AKAP17A: variants seen among roughly 807,000 people sequenced by gnomAD.
AKAP17A encodes A-kinase anchor protein 17A.
Under a neutral mutation model 52.2 loss-of-function variants are expected in AKAP17A, and 15 were observed. The ratio of observed to expected loss-of-function variants is 0.29; its 90% CI spans 0.19 to 0.44. The LOEUF (loss-of-function observed/expected upper bound fraction) is 0.44, where lower values mean the gene tolerates loss of function less well. Ranked by LOEUF, AKAP17A falls within the 20% of genes least tolerant of loss-of-function variation. AKAP17A has a pLI of 1.00. For synonymous variants in AKAP17A, 514 were observed against 424.7 expected (o/e 1.21, Z -2.58); for missense variants, 1,060 against 1,007.0 (o/e 1.05, Z -0.71).
rs1486849982 is a variant in AKAP17A at position 1,598,052 on chromosome X, T to C, written c.912-1140T>C. On this transcript the variant is annotated intron_variant, in intron 3 of 4. Coordinates refer to ENST00000313871, the MANE Select transcript of AKAP17A (RefSeq NM_005088.3). ...GGTGGAGATGAGGCATGTTTGCTTG[T>C]TCAGCCCTCACGTGTAACTTTGAGC... 2.0e-5 allele frequency among the ~76,000 whole-genome samples: 3 copies of C among 152,184 alleles called. No homozygotes were observed. In the East Asian group the frequency reaches 5.8e-4, roughly 29 times the overall value.
intron 4 of AKAP17A, chrX:1,599,791 A>G (rs1290900298): frequency 3.3e-6 from 2 of 603,376 alleles, no homozygotes; most frequent in Non-Finnish European, 5.9e-6. Context: ...GTGTGTGGTC[A>G]GCTGGCCTGG....
At chrX:1,597,586 C>G (rs1933074470) in intron 3 of AKAP17A, among the ~76,000 whole-genome samples, 1 of 151,738 alleles carries the variant, frequency 6.6e-6, no homozygotes. Context: ...GCAGACACAG[C>G]CCAGGCCTGG....
intron 3 of AKAP17A, 93 bp downstream of exon 3, chrX:1,595,625 C>A: frequency 1.3e-6 from 2 of 1,559,736 alleles, no homozygotes; most frequent in Non-Finnish European, 1.8e-6. Flanking sequence ...TATTCCTGTG[C>A]GTGTGTGTGT....
Position 1,593,963 on chromosome X carries a change from G to A in AKAP17A, c.501G>A (p.Glu167=). 6.2e-7 allele frequency: 1 copy of A among 1,603,114 alleles called. No homozygotes were observed. ...KWFALKESGS[E]KPSEDVLVKV... ...TCGCCCTGAAGGAGTCGGGCTCCGA[G>A]AAGCCCAGCGAGGACGTCCTGGTCA... Residue 167 remains glutamate (E), a synonymous_variant, in exon 2 of 5, where the codon GAG becomes GAA. Coordinates refer to ENST00000313871, the MANE Select transcript of AKAP17A (RefSeq NM_005088.3).
chrX:1,597,855 G>A (rs1933092118), intron 3 of AKAP17A, among the ~76,000 whole-genome samples: 1 of 152,080 alleles, frequency 6.6e-6, no homozygotes, highest in African/African-American at 2.4e-5. Flanking sequence ...GTTCTCGAGA[G>A]CAGGATGGGG....
intron 1 of AKAP17A, among the ~76,000 whole-genome samples, chrX:1,593,071 A>C (rs1603459994): frequency 3.3e-5 from 5 of 151,576 alleles, no homozygotes; most frequent in Admixed American, 3.3e-4. Flanking sequence ...CCGTGGAGCT[A>C]GGCGTTTGTA....
intron 3 of AKAP17A, 82 bp from the exon 4 acceptor site, chrX:1,599,110 C>T (rs752926714): frequency 1.4e-5 from 22 of 1,557,342 alleles, no homozygotes; most frequent in East Asian, 4.5e-5. Flanking sequence ...CCTGTTCCGC[C>T]GTGTTTGGAA....
chrX:1,600,483 C>T (rs1466494797), intron 4 of AKAP17A, among the ~76,000 whole-genome samples, 176 bp from the exon 5 acceptor site: 17 of 152,078 alleles, frequency 1.1e-4, no homozygotes, highest in Admixed American at 4.6e-4. Flanking sequence ...GAGGGATGGA[C>T]GGGCTGGACC....
rs748134641 is a variant in AKAP17A, at chrX:1,600,766, G to T, written c.1260G>T (p.Glu420Asp). Residue 420 changes from glutamate to aspartate, a missense_variant, in exon 5 of 5, where the codon GAG becomes GAT. Around this residue, in one of 2 missense-constraint regions of AKAP17A, gnomAD observed 793 missense variants for 629.9 expected, o/e 1.26. Transcript: ENST00000313871. ...CCGAGCTGCGGCGCGTGGAGGAGGA[G>T]AAGGAGCGCGCGCTGGGCCTGCAGC... ...QEAELRRVEE[E>D]KERALGLQRK... The T allele has an allele frequency of 6.4e-7, 1 of 1,567,632 alleles. No individual in the cohort carries two copies. Among genetic ancestry groups the T allele is most frequent in the Non-Finnish European group, 8.6e-7 (1 of 1,161,418 alleles).
At chrX:1,594,437 T>C (rs1281790151) in intron 2 of AKAP17A, among the ~76,000 whole-genome samples, 2 of 151,864 alleles carry the variant, frequency 1.3e-5, no homozygotes, top group African/African-American at 2.4e-5. Context: ...ATTTGGTATC[T>C]TAAGGAAGAT....
intron 4 of AKAP17A, chrX:1,600,407 C>T: frequency 1.6e-6 from 1 of 626,272 alleles, no homozygotes; most frequent in Non-Finnish European, 2.7e-6. Flanking sequence ...CTGCGCCGAG[C>T]CGCTTTGCCA....
At chrX:1,599,877 G>A in intron 4 of AKAP17A, 1 of 579,626 alleles carries the variant, frequency 1.7e-6, no homozygotes, top group Non-Finnish European at 3.1e-6. Flanking sequence ...GAGGGGGCCT[G>A]CCGTGGGCCC....
chrX:1,598,724 C>A (rs1933165868), intron 3 of AKAP17A, among the ~76,000 whole-genome samples: 1 of 152,188 alleles, frequency 6.6e-6, no homozygotes, highest in African/African-American at 2.4e-5. Context: ...AGAGGTCCCC[C>A]CGTGCCAGTG....
In AKAP17A at chrX:1,595,550, G is replaced by A. The variant is rs775754478; in HGVS notation, c.911+18G>A. The A allele has an allele frequency of 5.1e-5, 83 of 1,613,108 alleles. No individual in the cohort carries two copies. Among genetic ancestry groups the A allele is most frequent in the South Asian group, 2.0e-4 (18 of 91,050 alleles). On this transcript the variant is annotated intron_variant, in intron 3 of 4. Transcript: ENST00000313871. ...GAGGAAAGGTACCTTCTGCGGGAGCGGGCCCTCGGCGCTGGTGTCCGGCAC... is the reference window on the plus strand; with the variant it reads ...GAGGAAAGGTACCTTCTGCGGGAGCAGGCCCTCGGCGCTGGTGTCCGGCAC...
rs749535022 is a variant in AKAP17A at position 1,600,565 on chromosome X, A to G, written c.1153-94A>G. Reference sequence around the variant, plus strand: ...CAGGCCGCTGATCCTGCATCCCCAGACCATGGGGCCTCCAAACACCTTCCC... The same window carrying G: ...CAGGCCGCTGATCCTGCATCCCCAGGCCATGGGGCCTCCAAACACCTTCCC... On this transcript the variant is annotated intron_variant, in intron 4 of 4. Coordinates refer to ENST00000313871, the MANE Select transcript of AKAP17A (RefSeq NM_005088.3). The G allele has an allele frequency of 4.1e-5, 52 of 1,254,902 alleles. 1 individual carries two copies. In the East Asian group the frequency reaches 4.3e-4, roughly 10 times the overall value. 77.7% of individuals were successfully genotyped at this position (1,254,902 alleles called of 1,614,324 possible).
rs368606509 is a variant in AKAP17A, at chrX:1,594,198, G to A, written c.736G>A (p.Gly246Ser). 89 of 1,556,886 alleles carry A rather than the reference G, an allele frequency of 5.7e-5. No individual in the cohort carries two copies. Among genetic ancestry groups the A allele is most frequent in the Non-Finnish European group, 7.1e-5 (82 of 1,148,574 alleles). Residue 246 changes from glycine to serine, a missense_variant, in exon 2 of 5, where the codon GGC becomes AGC. Around this residue, in one of 2 missense-constraint regions of AKAP17A, gnomAD observed 267 missense variants for 377.1 expected, o/e 0.71. Transcript: ENST00000313871. ...GMKLMYKGED[G>S]KAVACNIKVS... ...GAAACTCATGTACAAGGGCGAGGAC[G>A]GCAAGGCCGTGGCCTGCAACATCAA...
intron 1 of AKAP17A, among the ~76,000 whole-genome samples, chrX:1,592,339 T>C (rs1932852808): frequency 6.6e-6 from 1 of 151,216 alleles, no homozygotes; most frequent in East Asian, 1.9e-4. Context: ...CCTGAGGCCA[T>C]GCTGGGGGGC....
intron 1 of AKAP17A, among the ~76,000 whole-genome samples, chrX:1,592,694 G>A (rs1932859600): frequency 1.3e-5 from 2 of 152,144 alleles, no homozygotes; most frequent in East Asian, 3.9e-4. Context: ...TGAGATGGTT[G>A]GGTTTCTGCG....
Position 1,601,247 on chromosome X carries a change from C to G in AKAP17A, c.1741C>G (p.Arg581Gly). 1.2e-6 allele frequency: 2 copies of G among 1,613,690 alleles called. No homozygotes were observed. Among genetic ancestry groups the G allele is most frequent in the Middle Eastern group, 1.7e-4 (1 of 6,052 alleles). ...DTRSEQDKCN[R>G]EPSKGRGRAT... ...CCGGTCAGAACAGGACAAGTGCAAC[C>G]GGGAGCCCAGCAAGGGCCGGGGCCG... The change falls in exon 5 of 5, where the codon CGG becomes GGG. Residue 581 changes from arginine (R) to glycine (G), a missense_variant. Physicochemically the swap from Arg to Gly is moderately radical, Grantham distance 125. Coordinates refer to ENST00000313871, the MANE Select transcript of AKAP17A (RefSeq NM_005088.3).
Sources: gnomAD v4.1 joint callset for allele counts (sites outside exome capture counted in the v4.1 genomes callset) on GRCh38, gnomAD v4.1.1 for gene constraint, gnomAD v4.1.1 regional missense constraint, MANE v1.5 for transcripts, NCBI Gene and HGNC (gene_info 2026-07-23, HGNC 2026-07-21) for gene names.